RAD18: variants seen among roughly 807,000 people sequenced by gnomAD.
RAD18 encodes RAD18 E3 ubiquitin protein ligase.
Under a neutral mutation model 60.4 loss-of-function variants are expected in RAD18, and 47 were observed. That is an observed-to-expected ratio of 0.78 (90% CI 0.62 to 0.99). RAD18 has a LOEUF of 0.99. RAD18 is among the 50% of genes least tolerant of loss of function. RAD18 has a pLI of 0.00. For synonymous variants in RAD18, 225 were observed against 195.5 expected, an observed-to-expected ratio of 1.15 and a Z score of -1.26; for missense variants, 640 against 593.3, an observed-to-expected ratio of 1.08 and a Z score of -0.82.
intron 9 of RAD18, among the ~76,000 whole-genome samples, chr3:8,905,847 A>G (rs973039400): frequency 5.3e-5 from 8 of 152,152 alleles, no homozygotes; most frequent in African/African-American, 1.4e-4. Flanking sequence ...GGCCCCTCTT[A>G]GTTGGCCTCA....
chr3:8,924,548 T>C (rs1469124658), intron 7 of RAD18, among the ~76,000 whole-genome samples: 1 of 140,786 alleles, frequency 7.1e-6, no homozygotes, highest in Admixed American at 7.3e-5. Context: ...AACTCAGCTC[T>C]GCACCAAGCA....
At chr3:8,947,126 C>T (rs1574825297) in intron 4 of RAD18, 94 bp downstream of exon 4, 6 of 936,524 alleles carry the variant, frequency 6.4e-6, no homozygotes, top group Non-Finnish European at 1.0e-5. Context: ...AATATGCAAC[C>T]CTGCATTCCC....
intron 11 of RAD18, among the ~76,000 whole-genome samples, chr3:8,893,563 G>A (rs140013555): frequency 1.6e-4 from 24 of 152,132 alleles, no homozygotes; most frequent in East Asian, 3.9e-4. Flanking sequence ...GTTGGCTAAC[G>A]TATTAGAATA....
intron 4 of RAD18, among the ~76,000 whole-genome samples, chr3:8,942,558 A>G (rs1177568141): frequency 6.6e-6 from 1 of 152,242 alleles, no homozygotes; most frequent in African/African-American, 2.4e-5. Context: ...CAAGGCTGCA[A>G]TCCCTGAAAA....
At chr3:8,954,818 A>T (rs1181671278) in intron 2 of RAD18, among the ~76,000 whole-genome samples, 3 of 152,216 alleles carry the variant, frequency 2.0e-5, no homozygotes, top group Admixed American at 6.5e-5. Context: ...CCTGGCTTCC[A>T]CTACAGCCCT....
intron 9 of RAD18, among the ~76,000 whole-genome samples, chr3:8,909,840 G>C (rs1016006778): frequency 6.6e-6 from 1 of 152,088 alleles, no homozygotes; most frequent in African/African-American, 2.4e-5. Context: ...TAGCTGATGA[G>C]AGAAAAAAAA....
In RAD18 at chr3:8,934,901, C is replaced by A. The variant is rs45498399; in HGVS notation, c.889+970G>T. On this transcript the variant is annotated intron_variant, in intron 7 of 12. Transcript: ENST00000264926. ...AGCAACAAAAATGAAAAAAACATGA[C>A]CATATAAAAAAACATGAATGAATCT... Among the ~76,000 whole-genome samples, 1,218 of 152,068 alleles carry A rather than the reference C, an allele frequency of 8.0e-3. 15 individuals are homozygous for A. The highest frequency in any genetic ancestry group is 0.028 in the African/African-American group (1,153 of 41,468).
chr3:8,898,158 T>C (rs775513568), intron 11 of RAD18, among the ~76,000 whole-genome samples: 1 of 151,750 alleles, frequency 6.6e-6, no homozygotes, highest in Non-Finnish European at 1.5e-5. Flanking sequence ...CTGGGAAAAA[T>C]GTAGAGCTCT....
chr3:8,914,295 C>G (rs1940158662), intron 7 of RAD18, among the ~76,000 whole-genome samples: 1 of 152,130 alleles, frequency 6.6e-6, no homozygotes, highest in Non-Finnish European at 1.5e-5. Flanking sequence ...TTTCTGCATC[C>G]AAAGTCAATA....
chr3:8,924,065 T>G (rs1414797910), intron 7 of RAD18, among the ~76,000 whole-genome samples: 1 of 152,158 alleles, frequency 6.6e-6, no homozygotes, highest in Admixed American at 6.5e-5. Context: ...CACATAATAT[T>G]AACTTTAAAT....
chr3:8,881,982 A>C (rs1465552405), intron 12 of RAD18, among the ~76,000 whole-genome samples: 2 of 152,220 alleles, frequency 1.3e-5, no homozygotes, highest in Non-Finnish European at 1.5e-5. Context: ...AATTTCTTAA[A>C]TACAGGCTAG....
chr3:8,884,988 T>G lies in RAD18; in HGVS notation c.1386-3529A>C, dbSNP rs539731538. 2.0e-5 allele frequency among the ~76,000 whole-genome samples: 3 copies of G among 152,366 alleles called. No homozygotes were observed. The East Asian group carries it at 5.8e-4, about 29-fold the overall frequency. ...ATTTGACAATAGCATGTTAGCCAGA[T>G]GGGAGGATATTCCTGGGGAGGGCCA... On this transcript the variant is annotated intron_variant, in intron 12 of 12. Coordinates refer to ENST00000264926, the MANE Select transcript of RAD18 (RefSeq NM_020165.4).
rs954286390 is a variant in RAD18, at chr3:8,909,069, G to T, written c.1027+3243C>A. On this transcript the variant is annotated intron_variant, in intron 9 of 12. Transcript: ENST00000264926. ...TGAGAGTGGGGAGTATAGATAGGGG[G>T]GTCAGAGGCAATTAGAGAAAGAGAT... is the stretch of plus-strand genomic sequence containing the variant. Among the ~76,000 whole-genome samples the T allele has an allele frequency of 4.6e-5, 7 of 152,136 alleles. No homozygotes were observed. The South Asian group carries it at 6.2e-4, about 14-fold the overall frequency.
At chr3:8,950,677 G>A (rs1171256624) in intron 2 of RAD18, among the ~76,000 whole-genome samples, 1 of 152,206 alleles carries the variant, frequency 6.6e-6, no homozygotes, top group African/African-American at 2.4e-5. Context: ...TGAAGAAACT[G>A]AGCAAGCATC....
chr3:8,956,750 TAAAA>T, intron 2 of RAD18, among the ~76,000 whole-genome samples: 1 of 137,792 alleles, frequency 7.3e-6, no homozygotes, highest in Non-Finnish European at 1.5e-5. Context: ...ATTCATGATT[TAAAA>T]AAAAAAATCC....
At chr3:8,895,191 T>C (rs921028413) in intron 11 of RAD18, among the ~76,000 whole-genome samples, 1 of 152,016 alleles carries the variant, frequency 6.6e-6, no homozygotes, top group Non-Finnish European at 1.5e-5. Context: ...CTAAAGTTCA[T>C]AAATATTCCC....
Position 8,940,429 on chromosome 3 carries a change from T to C in RAD18, c.605-776A>G, listed in dbSNP as rs45624141. Among the ~76,000 whole-genome samples the C allele has an allele frequency of 3.9e-3, 589 of 152,298 alleles. 5 individuals are homozygous for C. The highest frequency in any genetic ancestry group is 0.014 in the African/African-American group (570 of 41,560). On this transcript the variant is annotated intron_variant, in intron 5 of 12. Transcript: ENST00000264926. ...TGTCAATTGGTAAAAAGACTAAGGA[T>C]AGACATAGTAGAAAATATAAGTGAA...
chr3:8,934,568 G>C (rs1445175975), intron 7 of RAD18, among the ~76,000 whole-genome samples: 1 of 152,202 alleles, frequency 6.6e-6, no homozygotes, highest in Non-Finnish European at 1.5e-5. Context: ...GGCTAAAATG[G>C]AGAGTTAACA....
chr3:8,899,934 G>C (rs1939872244), intron 10 of RAD18, among the ~76,000 whole-genome samples: 1 of 152,084 alleles, frequency 6.6e-6, no homozygotes, highest in Non-Finnish European at 1.5e-5. Flanking sequence ...CACTCATCAA[G>C]CACTTGTAGA....
Sources: gnomAD v4.1 joint callset for allele counts (sites outside exome capture counted in the v4.1 genomes callset) on GRCh38, gnomAD v4.1.1 for gene constraint, MANE v1.5 for transcripts, NCBI Gene and HGNC (gene_info 2026-07-23, HGNC 2026-07-21) for gene names.